C3orf70: variants seen among roughly 807,000 people sequenced by gnomAD.
The protein encoded by C3orf70 is chromosome 3 open reading frame 70.
In C3orf70, 15 loss-of-function variants were observed where a neutral mutation model predicts 20.7. The ratio of observed to expected loss-of-function variants is 0.72; its 90% CI spans 0.48 to 1.11. C3orf70 has a LOEUF of 1.11. Ranked by LOEUF, C3orf70 falls within the 50% of genes most tolerant of loss-of-function variation. The pLI is 0.00. For missense variants in C3orf70, 332 were observed against 317.6 expected, an observed-to-expected ratio of 1.05 and a Z score of -0.34; for synonymous variants, 161 against 125.7, an observed-to-expected ratio of 1.28 and a Z score of -1.88.
intron 1 of C3orf70, among the ~76,000 whole-genome samples, chr3:185,123,532 G>GTTTTTTTTTTTTT: frequency 6.7e-6 from 1 of 148,760 alleles, no homozygotes. Flanking sequence ...AAGAGATGAG[G>GTTTTTTTTTTTTT]TCTCACTACG....
At chr3:185,091,969 T>A (rs1255523027) in intron 1 of C3orf70, among the ~76,000 whole-genome samples, 57 of 30,564 alleles carry the variant, frequency 1.9e-3, no homozygotes, top group Non-Finnish European at 3.7e-3. Context: ...ATATATTTTT[T>A]TTTTTTTTTA....
intron 1 of C3orf70, among the ~76,000 whole-genome samples, chr3:185,128,483 G>A (rs536806687): frequency 4.7e-5 from 7 of 149,818 alleles, no homozygotes; most frequent in East Asian, 2.0e-4. Context: ...AGCCGATATC[G>A]CACCACTGCA....
At chr3:185,100,601 T>G (rs562754070) in intron 1 of C3orf70, among the ~76,000 whole-genome samples, 1 of 151,958 alleles carries the variant, frequency 6.6e-6, no homozygotes, top group East Asian at 1.9e-4. Context: ...TAGATCTCAA[T>G]TTAAAAACCT....
intron 1 of C3orf70, among the ~76,000 whole-genome samples, chr3:185,109,171 T>G (rs990575549): frequency 1.3e-5 from 2 of 152,176 alleles, no homozygotes; most frequent in African/African-American, 2.4e-5. Flanking sequence ...CTGGCATTAT[T>G]AACTTTAAAT....
In C3orf70 at chr3:185,152,687, G is replaced by A. The variant is rs776833010; in HGVS notation, c.137C>T (p.Thr46Met). Residue 46 changes from threonine (T) to methionine (M), a missense_variant, in exon 1 of 2, where the codon ACG becomes ATG. By Grantham distance (81) the Thr-to-Met change is moderately conservative. Transcript: ENST00000335012. Reference protein sequence around the residue: ...QPCDGLSICATHSHGKCFKLH... With the variant: ...QPCDGLSICAMHSHGKCFKLH... ...CTTGAAGCACTTGCCATGGCTGTGC[G>A]TGGCACAGATAGACAGCCCGTCGCA... 2.5e-6 allele frequency: 4 copies of A among 1,594,990 alleles called. No homozygotes were observed. In the Admixed American group the frequency reaches 5.1e-5, roughly 20 times the overall value.
intron 1 of C3orf70, among the ~76,000 whole-genome samples, chr3:185,117,446 CACACAG>C (rs1313744614): frequency 8.3e-5 from 11 of 132,112 alleles, no homozygotes; most frequent in Non-Finnish European, 1.7e-4. Flanking sequence ...CACACACACA[CACACAG>C]AAAGAGAGAG....
At chr3:185,084,395 G>A (rs1328584063) in intron 1 of C3orf70, among the ~76,000 whole-genome samples, 1 of 151,900 alleles carries the variant, frequency 6.6e-6, no homozygotes, top group Non-Finnish European at 1.5e-5. Flanking sequence ...TTAATAGGTA[G>A]TGGCCCACTG....
intron 1 of C3orf70, among the ~76,000 whole-genome samples, chr3:185,093,378 C>T (rs2108589569): frequency 6.6e-6 from 1 of 152,336 alleles, no homozygotes; most frequent in Middle Eastern, 3.4e-3. Context: ...TAGGAATTCA[C>T]AACAGCCAAT....
At chr3:185,094,812 T>C (rs1002131395) in intron 1 of C3orf70, among the ~76,000 whole-genome samples, 7 of 152,108 alleles carry the variant, frequency 4.6e-5, no homozygotes, top group Admixed American at 3.3e-4. Flanking sequence ...ATACAGTTAT[T>C]GGTTAGAAAA....
intron 1 of C3orf70, among the ~76,000 whole-genome samples, chr3:185,089,589 G>C (rs1326600185): frequency 6.6e-6 from 1 of 152,066 alleles, no homozygotes; most frequent in African/African-American, 2.4e-5. Flanking sequence ...ACCACTCTCA[G>C]AGCTCATCCA....
intron 1 of C3orf70, among the ~76,000 whole-genome samples, chr3:185,090,541 TCTA>T (rs1715544414): frequency 6.6e-6 from 1 of 152,138 alleles, no homozygotes; most frequent in Non-Finnish European, 1.5e-5. Flanking sequence ...GAAAGGTAAA[TCTA>T]CTGAAAAAAA....
At chr3:185,118,826 G>T (rs1226960267) in intron 1 of C3orf70, among the ~76,000 whole-genome samples, 1 of 152,080 alleles carries the variant, frequency 6.6e-6, no homozygotes, top group African/African-American at 2.4e-5. Flanking sequence ...TGTACTCTAC[G>T]CAAGTTAAGT....
At position 185,123,011 on chromosome 3, in the gene C3orf70, G is replaced by T. The variant is rs547758667; in HGVS notation, c.196+29617C>A. 2.0e-3 allele frequency among the ~76,000 whole-genome samples: 306 copies of T among 150,418 alleles called. 1 individual carries two copies. The highest frequency in any genetic ancestry group is 7.0e-3 in the African/African-American group (287 of 40,918). ...TCTCTACTAAAAAAAAAAAGAAAAA[G>T]AAAAAGAAATACAAAAATTAGCCAG... On this transcript the variant is annotated intron_variant, in intron 1 of 1. Coordinates refer to ENST00000335012, the MANE Select transcript of C3orf70 (RefSeq NM_001025266.3).
intron 1 of C3orf70, among the ~76,000 whole-genome samples, chr3:185,123,521 T>TA (rs1473652908): frequency 2.0e-5 from 3 of 151,234 alleles, no homozygotes; most frequent in African/African-American, 7.3e-5. Flanking sequence ...TTTTTTTTTT[T>TA]AAGAGATGAG....
In C3orf70 at chr3:185,082,920, TATC is replaced by T. The variant is rs1433309387; in HGVS notation, c.*84_*86del. ...GGAGCGGGGCGGGGTGGGTAGAAAATATCAACAGCATTGGAAAAAAGGATCCAC... is the reference window on the plus strand; with the variant it reads ...GGAGCGGGGCGGGGTGGGTAGAAAATAACAGCATTGGAAAAAAGGATCCAC... On this transcript the variant is annotated 3_prime_UTR_variant, in exon 2 of 2. Transcript: ENST00000335012. 6.4e-6 allele frequency: 9 copies of T among 1,395,362 alleles called. No individual in the cohort carries two copies. Among genetic ancestry groups the T allele is most frequent in the Non-Finnish European group, 8.9e-6 (9 of 1,016,710 alleles). The allele number at this position is 1,395,362 out of a possible 1,614,324, so 86.4% of individuals were successfully genotyped here. A position where few individuals can be genotyped will look rare whatever the true frequency, so the allele number is the denominator to read the frequency against.
At chr3:185,138,714 T>A (rs932113964) in intron 1 of C3orf70, among the ~76,000 whole-genome samples, 1 of 152,212 alleles carries the variant, frequency 6.6e-6, no homozygotes, top group Admixed American at 6.5e-5. Context: ...AGATTTTTTT[T>A]AAAACCTCTC....
At chr3:185,098,843 A>T (rs1484803687) in intron 1 of C3orf70, among the ~76,000 whole-genome samples, 1 of 152,184 alleles carries the variant, frequency 6.6e-6, no homozygotes. Flanking sequence ...GAACAGAAAT[A>T]CCAGCTTCCC....
intron 1 of C3orf70, among the ~76,000 whole-genome samples, chr3:185,130,247 G>C (rs998690249): frequency 6.6e-6 from 1 of 152,058 alleles, no homozygotes. Context: ...TCAGGAGTTC[G>C]AGACCATCCT....
At chr3:185,098,041 A>C (rs1481860052) in intron 1 of C3orf70, among the ~76,000 whole-genome samples, 4 of 152,194 alleles carry the variant, frequency 2.6e-5, no homozygotes, top group African/African-American at 9.7e-5. Flanking sequence ...ACTTGACAAT[A>C]TAATGGATAA....
Sources: gnomAD v4.1 joint callset for allele counts (sites outside exome capture counted in the v4.1 genomes callset) on GRCh38, gnomAD v4.1.1 for gene constraint, MANE v1.5 for transcripts, NCBI Gene and HGNC (gene_info 2026-07-23, HGNC 2026-07-21) for gene names.